FBXO3: variants seen among roughly 807,000 people sequenced by gnomAD.
The protein encoded by FBXO3 is F-box only protein 3.
A neutral mutation model predicts 64.8 loss-of-function variants in FBXO3; 17 were observed. That is an observed-to-expected ratio of 0.26 (90% CI 0.18 to 0.39). The LOEUF is 0.39. Among genes scored for constraint, FBXO3 ranks in the 10% least tolerant of loss-of-function variants. FBXO3 has a pLI of 1.00. For synonymous variants in FBXO3, 182 were observed against 201.6 expected (o/e 0.90, Z 0.82); for missense variants, 420 against 589.9 (o/e 0.71, Z 2.98).
At chr11:33,748,546 C>T (rs1425852217) in intron 9 of FBXO3, among the ~76,000 whole-genome samples, 1 of 151,724 alleles carries the variant, frequency 6.6e-6, no homozygotes. Flanking sequence ...GTGTTCTAAC[C>T]CACAACATAC....
intron 3 of FBXO3, among the ~76,000 whole-genome samples, chr11:33,764,622 G>A (rs554929023): frequency 3.9e-5 from 6 of 152,118 alleles, no homozygotes; most frequent in Admixed American, 6.5e-5. Flanking sequence ...GCTGATTTGA[G>A]GAACTGCAAT....
chr11:33,745,316 C>T (rs556574140), intron 10 of FBXO3: 2 of 149,142 alleles, frequency 1.3e-5, no homozygotes, highest in Non-Finnish European at 3.0e-5. Context: ...AAAAAATCAG[C>T]AAGTATACAG....
Position 33,774,375 on chromosome 11 carries a change from A to T in FBXO3, c.104+19T>A. On this transcript the variant is annotated intron_variant, in intron 1 of 10. Transcript: ENST00000265651. ...CTCTCCCCATGCCCCCACCCCTGCC[A>T]TGCGTGTCGTCCCATTACTTGATTA... The T allele has an allele frequency of 6.9e-7, 1 of 1,452,750 alleles. No homozygotes were observed. Among genetic ancestry groups the T allele is most frequent in the Non-Finnish European group, 9.3e-7 (1 of 1,074,790 alleles). The allele number at this position is 1,452,750 out of a possible 1,614,324, so 90.0% of individuals were successfully genotyped here.
intron 4 of FBXO3, among the ~76,000 whole-genome samples, chr11:33,757,515 T>TAAAAA (rs35494216): frequency 1.0e-5 from 1 of 97,380 alleles, no homozygotes; most frequent in African/African-American, 3.6e-5. Flanking sequence ...AAACAAATCT[T>TAAAAA]AAAAAAAAAA....
intron 3 of FBXO3, among the ~76,000 whole-genome samples, chr11:33,759,478 G>GACATCC (rs1369647927): frequency 1.1e-4 from 16 of 152,244 alleles, no homozygotes; most frequent in African/African-American, 3.9e-4. Flanking sequence ...GATTCTGACT[G>GACATCC]ACATCCTAGG....
intron 6 of FBXO3, chr11:33,753,015 G>C (rs1333725596): frequency 2.6e-5 from 4 of 152,088 alleles, no homozygotes; most frequent in African/African-American, 4.8e-5. Flanking sequence ...TCTATTATTA[G>C]TACACTGAAC....
chr11:33,770,638 G>A (rs1291535462), intron 2 of FBXO3, 103 bp downstream of exon 2: 1 of 818,428 alleles, frequency 1.2e-6, no homozygotes, highest in Non-Finnish European at 2.0e-6. Context: ...AGCCACCAAA[G>A]GAGATAAAGA....
intron 8 of FBXO3, among the ~76,000 whole-genome samples, chr11:33,749,360 CTTT>C (rs35452082): frequency 4.4e-5 from 6 of 137,024 alleles, no homozygotes; most frequent in East Asian, 2.1e-4. Flanking sequence ...TGGGATTACA[CTTT>C]TTTTTTTTTT....
At chr11:33,773,536 G>A (rs1005100899) in intron 1 of FBXO3, 5 of 152,144 alleles carry the variant, frequency 3.3e-5, no homozygotes, top group African/African-American at 1.2e-4. Flanking sequence ...AAATATATAC[G>A]GTAGCACAGG....
At chr11:33,759,999 C>T (rs7115596) in intron 3 of FBXO3, among the ~76,000 whole-genome samples, 43,741 of 151,908 alleles carry the variant, frequency 0.29, 6,699 homozygotes, top group African/African-American at 0.38. Context: ...CAAAAAGGGA[C>T]GGAAAAACAC....
In FBXO3 at chr11:33,768,955, T is replaced by G. The variant is rs1286239031; in HGVS notation, c.254A>C (p.Asp85Ala). The change falls in exon 3 of 11, where the codon GAT (aspartate) becomes GCT (alanine). Residue 85 changes from aspartate (D) to alanine (A), a missense_variant. Asp to Ala is a moderately radical substitution (Grantham distance 126, BLOSUM62 -2). Coordinates refer to ENST00000265651, the MANE Select transcript of FBXO3 (RefSeq NM_012175.4). The stretch of plus-strand genomic sequence containing the variant: ...ATAATGGTCAATGTATCTTCCTACA[T>G]CAGAGTAAGTATCTATGAAGAGAGA... ...WKSLFIDTYS[D>A]VGRYIDHYAA... 6.2e-7 allele frequency: 1 copy of G among 1,613,828 alleles called. No individual in the cohort carries two copies. The highest frequency in any genetic ancestry group is 1.7e-5 in the Admixed American group (1 of 60,004).
chr11:33,768,735 C>G (rs566300401), intron 3 of FBXO3, 116 bp downstream of exon 3: 1 of 1,188,432 alleles, frequency 8.4e-7, no homozygotes, highest in South Asian at 1.3e-5. Flanking sequence ...CAGTAAATCA[C>G]AGACAAAGTT....
chr11:33,745,058 C>T (rs1854781516), intron 10 of FBXO3: 1 of 152,090 alleles, frequency 6.6e-6, no homozygotes, highest in African/African-American at 2.4e-5. Flanking sequence ...CCAAAACACA[C>T]CTCAATGCTC....
At chr11:33,746,694 A>T in intron 10 of FBXO3, 1 of 1,357,710 alleles carries the variant, frequency 7.4e-7, no homozygotes, top group Non-Finnish European at 1.0e-6. Flanking sequence ...TAGTTGACTT[A>T]AGAAATGATC....
rs200431384 is a variant in FBXO3 at position 33,742,002 on chromosome 11, T to C, written c.1322A>G (p.Asp441Gly). 1 of 1,605,230 alleles carries C rather than the reference T, an allele frequency of 6.2e-7. No homozygotes were observed. The highest frequency in any genetic ancestry group is 2.2e-5 in the East Asian group (1 of 44,848). The change falls in exon 11 of 11, where the codon GAT becomes GGT. Residue 441 changes from aspartate (D) to glycine (G), a missense_variant. By Grantham distance (94) the Asp-to-Gly change is moderately conservative. Coordinates refer to ENST00000265651, the MANE Select transcript of FBXO3 (RefSeq NM_012175.4). ...ATCATCTTCATCTGATTCATCCATA[T>C]CTGCTGAATCATCATCCTCGTCTTC... is the stretch of plus-strand genomic sequence containing the variant. ...EEEDEDDDSA[D>G]MDESDEDDEE... is the part of the protein sequence containing the mutation.
At chr11:33,766,421 T>C (rs1156931475) in intron 3 of FBXO3, among the ~76,000 whole-genome samples, 2 of 152,270 alleles carry the variant, frequency 1.3e-5, no homozygotes, top group Non-Finnish European at 2.9e-5. Context: ...CATTTATTTA[T>C]GCATCATCTT....
chr11:33,770,773 T>A lies in FBXO3; in HGVS notation c.162A>T (p.Arg54Ser). 1 of 1,611,678 alleles carries A rather than the reference T, an allele frequency of 6.2e-7. No individual in the cohort carries two copies. Among genetic ancestry groups the A allele is most frequent in the Non-Finnish European group, 8.5e-7 (1 of 1,178,308 alleles). The part of the protein sequence containing the change: ...SQLSSHDPLW[R>S]RHCKKYWLIS... ...TCAGCCAGTATTTTTTGCAATGTCT[T>A]CTCCACAGCGGATCATGACTTGATA... The change falls in exon 2 of 11, where the codon AGA becomes AGT. Residue 54 changes from arginine (R) to serine (S), a missense_variant. Arg to Ser is a moderately radical substitution (Grantham distance 110, BLOSUM62 -1). Coordinates refer to ENST00000265651, the MANE Select transcript of FBXO3 (RefSeq NM_012175.4).
At chr11:33,755,229 C>A (rs980531277) in intron 5 of FBXO3, among the ~76,000 whole-genome samples, 1 of 152,026 alleles carries the variant, frequency 6.6e-6, no homozygotes, top group African/African-American at 2.4e-5. Context: ...CATATCTAGG[C>A]AAAAATGAAG....
chr11:33,774,492 C>G lies in FBXO3; in HGVS notation c.6G>C (p.Ala2=). The change falls in exon 1 of 11, where the codon GCG becomes GCC. Residue 2 remains alanine, a synonymous_variant. Coordinates refer to ENST00000265651, the MANE Select transcript of FBXO3 (RefSeq NM_012175.4). The part of the protein sequence containing the change: M[A]AMETETAPLT... Reference sequence around the variant, plus strand: ...GCGGCGCCGTCTCGGTCTCCATGGCCGCCATCTTGCCTGGCCCGGTGCAGG... The same window carrying G: ...GCGGCGCCGTCTCGGTCTCCATGGCGGCCATCTTGCCTGGCCCGGTGCAGG... 6.4e-7 allele frequency: 1 copy of G among 1,560,058 alleles called. No individual in the cohort carries two copies. Among genetic ancestry groups the G allele is most frequent in the Admixed American group, 1.8e-5 (1 of 55,630 alleles).
Sources: gnomAD v4.1 joint callset for allele counts (sites outside exome capture counted in the v4.1 genomes callset) on GRCh38, gnomAD v4.1.1 for gene constraint, MANE v1.5 for transcripts, NCBI Gene and HGNC (gene_info 2026-07-23, HGNC 2026-07-21) for gene names.